The following PCDH15 variants were observed in gnomAD, a reference collection of about 807,000 sequenced individuals.
PCDH15 encodes protocadherin-15.
Under a neutral mutation model 178.5 loss-of-function variants are expected in PCDH15, and 129 were observed. The observed-to-expected ratio is 0.72, with a 90% CI of 0.63 to 0.84. The LOEUF (loss-of-function observed/expected upper bound fraction) is 0.84, where lower values mean the gene tolerates loss of function less well. PCDH15 is among the 40% of genes least tolerant of loss of function. The pLI is 0.00. For synonymous variants in PCDH15, 800 were observed against 732.0 expected (o/e 1.09, Z -1.50); for missense variants, 2,230 against 2,099.9 (o/e 1.06, Z -1.21).
At chr10:54,610,248 CT>C (rs2092915734) in intron 2 of PCDH15, among the ~76,000 whole-genome samples, 1 of 151,852 alleles carries the variant, frequency 6.6e-6, no homozygotes, top group Non-Finnish European at 1.5e-5. Context: ...TACAAAACTA[CT>C]GGCTTGGATT....
At chr10:54,970,188 C>A (rs959155771) in intron 2 of PCDH15, among the ~76,000 whole-genome samples, 7 of 152,248 alleles carry the variant, frequency 4.6e-5, no homozygotes, top group African/African-American at 1.7e-4. Context: ...CCTGCTAGTA[C>A]CTTTATCTTG....
chr10:54,483,100 C>T (rs966891027), intron 3 of PCDH15, among the ~76,000 whole-genome samples: 1 of 151,662 alleles, frequency 6.6e-6, no homozygotes, highest in Non-Finnish European at 1.5e-5. Context: ...TTTCTGCCAT[C>T]CTTCTTCTAA....
At chr10:54,094,608 G>A (rs572250466) in intron 15 of PCDH15, among the ~76,000 whole-genome samples, 3 of 152,184 alleles carry the variant, frequency 2.0e-5, no homozygotes, top group African/African-American at 2.4e-5. Flanking sequence ...AGTGTACTTC[G>A]ACCACTTTAA....
intron 2 of PCDH15, among the ~76,000 whole-genome samples, chr10:54,534,648 A>T (rs541768321): frequency 6.6e-6 from 1 of 152,352 alleles, no homozygotes; most frequent in South Asian, 2.1e-4. Flanking sequence ...AGACACACAC[A>T]CACACTGAAT....
chr10:54,937,374 G>A (rs1049881612), intron 2 of PCDH15, among the ~76,000 whole-genome samples: 5 of 151,900 alleles, frequency 3.3e-5, no homozygotes, highest in African/African-American at 4.8e-5. Flanking sequence ...TCATGATAGG[G>A]ATTGCACTGA....
At chr10:55,496,877 C>T (rs1840546257) in intron 2 of PCDH15, among the ~76,000 whole-genome samples, 1 of 151,756 alleles carries the variant, frequency 6.6e-6, no homozygotes, top group Admixed American at 6.6e-5. Context: ...TTGAAAAGGT[C>T]AGGTAAATAA....
At chr10:55,365,566 T>A (rs1845333998) in intron 2 of PCDH15, among the ~76,000 whole-genome samples, 1 of 152,044 alleles carries the variant, frequency 6.6e-6, no homozygotes, top group South Asian at 2.1e-4. Flanking sequence ...AATTCCTACA[T>A]GTCATGGGAG....
At chr10:55,367,700 G>A (rs1347575733) in intron 2 of PCDH15, among the ~76,000 whole-genome samples, 2 of 152,120 alleles carry the variant, frequency 1.3e-5, no homozygotes, top group Non-Finnish European at 2.9e-5. Flanking sequence ...CAGAAGCAAA[G>A]GAAACATTTG....
chr10:54,545,678 T>A (rs1341341001), intron 2 of PCDH15, among the ~76,000 whole-genome samples: 2 of 152,086 alleles, frequency 1.3e-5, no homozygotes, highest in Non-Finnish European at 2.9e-5. Context: ...TATAGCAATA[T>A]AGAGATAATT....
intron 26 of PCDH15, among the ~76,000 whole-genome samples, chr10:53,880,605 A>T (rs200666354): frequency 3.3e-4 from 7 of 21,320 alleles, no homozygotes; most frequent in Admixed American, 9.5e-4. Flanking sequence ...AAAAATTTTT[A>T]AAAAAACCTT....
At chr10:54,102,472 C>T (rs1293474671) in intron 15 of PCDH15, among the ~76,000 whole-genome samples, 1 of 152,150 alleles carries the variant, frequency 6.6e-6, no homozygotes, top group Non-Finnish European at 1.5e-5. Context: ...ATTAAGCTTA[C>T]AATAGTCCAC....
At chr10:55,147,422 C>A (rs1838549653) in intron 2 of PCDH15, among the ~76,000 whole-genome samples, 2 of 151,190 alleles carry the variant, frequency 1.3e-5, no homozygotes, top group Admixed American at 6.6e-5. Context: ...ATCTTATTTT[C>A]CATAATTTTT....
intron 3 of PCDH15, among the ~76,000 whole-genome samples, chr10:54,419,415 A>G (rs530908727): frequency 3.9e-5 from 6 of 152,050 alleles, no homozygotes; most frequent in Admixed American, 3.3e-4. Context: ...CTTCATTTGC[A>G]TTTATTTCTG....
chr10:54,051,592 C>A (rs2093776188), intron 18 of PCDH15, among the ~76,000 whole-genome samples: 1 of 152,002 alleles, frequency 6.6e-6, no homozygotes, highest in African/African-American at 2.4e-5. Flanking sequence ...TTTCTAAGTG[C>A]CAAAGGGTTC....
chr10:54,056,156 T>C (rs11004023), intron 18 of PCDH15, among the ~76,000 whole-genome samples: 31,739 of 152,136 alleles, frequency 0.21, 3,492 homozygotes, highest in Non-Finnish European at 0.23. Flanking sequence ...GGGGTACATG[T>C]GATATTTTGC....
intron 3 of PCDH15, among the ~76,000 whole-genome samples, chr10:54,505,652 C>T (rs1438031643): frequency 1.3e-5 from 2 of 151,564 alleles, no homozygotes; most frequent in East Asian, 2.0e-4. Context: ...GTCGGGGGGT[C>T]GGGGGCTAGG....
intron 1 of PCDH15, among the ~76,000 whole-genome samples, chr10:55,189,643 C>G (rs1386032910): frequency 6.6e-6 from 1 of 151,830 alleles, no homozygotes; most frequent in Non-Finnish European, 1.5e-5. Flanking sequence ...AATCTCAACT[C>G]TACAACTTAC....
In PCDH15 at chr10:53,893,342, A is replaced by G. The variant is rs917400841; in HGVS notation, c.3501+9901T>C. On this transcript the variant is annotated intron_variant, in intron 26 of 37. Coordinates refer to ENST00000644397, the MANE Select transcript of PCDH15 (RefSeq NM_001384140.1). The stretch of plus-strand genomic sequence containing the variant: ...CCAGGGTGATGTTATTCTGTGTTGT[A>G]ATCAGCCCAAAAGAGTTTAATGTAA... Among the ~76,000 whole-genome samples the G allele has an allele frequency of 3.1e-4, 47 of 152,244 alleles. 3 individuals carry two copies. The highest frequency in any genetic ancestry group is 2.4e-5 in the African/African-American group (1 of 41,472).
intron 23 of PCDH15, among the ~76,000 whole-genome samples, chr10:53,948,063 G>A (rs1483782791): frequency 6.6e-6 from 1 of 152,076 alleles, no homozygotes. Flanking sequence ...ATTTATGATG[G>A]TTTGACTTTC....
Sources: gnomAD v4.1 joint callset for allele counts (sites outside exome capture counted in the v4.1 genomes callset) on GRCh38, gnomAD v4.1.1 for gene constraint, MANE v1.5 for transcripts, NCBI Gene and HGNC (gene_info 2026-07-23, HGNC 2026-07-21) for gene names.